The following AGK variants were observed in gnomAD, a reference collection of about 807,000 sequenced individuals.
AGK encodes the protein acylglycerol kinase, mitochondrial.
A neutral mutation model predicts 66.4 loss-of-function variants in AGK; 52 were observed. The observed-to-expected ratio is 0.78, with a 90% CI of 0.63 to 0.99. AGK has a LOEUF of 0.99. Among genes scored for constraint, AGK ranks in the 50% least tolerant of loss-of-function variants. The pLI, the probability that AGK is intolerant of heterozygous loss-of-function variation, is 0.00. For synonymous variants in AGK, 182 were observed against 181.1 expected (o/e 1.00, Z -0.04); for missense variants, 451 against 506.6 (o/e 0.89, Z 1.05).
chr7:141,644,534 ATG>A (rs1797364160), intron 13 of AGK, among the ~76,000 whole-genome samples: 2 of 152,230 alleles, frequency 1.3e-5, no homozygotes, highest in Admixed American at 6.5e-5. Flanking sequence ...GGAGTATAGA[ATG>A]TGTGAAAATT....
At chr7:141,557,870 A>G (rs188353322) in intron 2 of AGK, among the ~76,000 whole-genome samples, 2 of 152,288 alleles carry the variant, frequency 1.3e-5, no homozygotes, top group East Asian at 1.9e-4. Flanking sequence ...GGACATAAAC[A>G]TTTTCACCTT....
chr7:141,596,949 C>T, intron 4 of AGK: 2 of 260,262 alleles, frequency 7.7e-6, no homozygotes, highest in South Asian at 1.4e-4. Flanking sequence ...GACGTAAATC[C>T]TTAGGCCATC....
chr7:141,635,286 G>T (rs944871779), intron 10 of AGK, among the ~76,000 whole-genome samples: 2 of 152,038 alleles, frequency 1.3e-5, no homozygotes, highest in Admixed American at 1.3e-4. Context: ...AGAAAGAAAT[G>T]GTAGAGATAT....
At chr7:141,566,313 C>T (rs1461357760) in intron 2 of AGK, among the ~76,000 whole-genome samples, 1 of 152,196 alleles carries the variant, frequency 6.6e-6, no homozygotes, top group African/African-American at 2.4e-5. Flanking sequence ...TAAGACTCTA[C>T]AGGCAGGGGT....
At chr7:141,600,470 C>T (rs117203961) in intron 4 of AGK, among the ~76,000 whole-genome samples, 3,951 of 152,224 alleles carry the variant, frequency 0.026, 72 homozygotes, top group Non-Finnish European at 0.043. Context: ...TATAAGACAT[C>T]GTGTTGTTTC....
intron 13 of AGK, among the ~76,000 whole-genome samples, chr7:141,642,964 A>G (rs1797322831): frequency 6.6e-6 from 1 of 152,190 alleles, no homozygotes; most frequent in Non-Finnish European, 1.5e-5. Flanking sequence ...TGCCAATAGG[A>G]AAGTAATTGT....
rs912721088 is a variant in AGK at position 141,654,454 on chromosome 7, C to CA, written c.*1531dup. 6.6e-6 allele frequency: 1 copy of CA among 152,190 alleles called. No individual in the cohort carries two copies. The highest frequency in any genetic ancestry group is 2.4e-5 in the African/African-American group (1 of 41,450). 9.4% of individuals were successfully genotyped at this position (152,190 alleles called of 1,614,324 possible). On this transcript the variant is annotated 3_prime_UTR_variant, in exon 16 of 16. Coordinates refer to ENST00000649286, the MANE Select transcript of AGK (RefSeq NM_018238.4). ...TCCTTTGGCATTTTGACAAAGATCA[C>CA]AGTGCTCTATCATCAAGAATTATTA...
rs193149866 is a variant in AGK at position 141,622,818 on chromosome 7, G to T, written c.588+1017G>T. 2.2e-4 allele frequency among the ~76,000 whole-genome samples: 33 copies of T among 152,208 alleles called. No homozygotes were observed. The East Asian group carries it at 6.4e-3, about 29-fold the overall frequency. On this transcript the variant is annotated intron_variant, in intron 9 of 15. Transcript: ENST00000649286. ...TGCCTGTAATTCCAGCACTTTGGGA[G>T]GTCCAGGCAGGTGGATCACTTGAGC...
chr7:141,623,379 C>CAA (rs35119899), intron 9 of AGK, among the ~76,000 whole-genome samples: 1 of 54,212 alleles, frequency 1.8e-5, no homozygotes, highest in Non-Finnish European at 4.5e-5. Flanking sequence ...AACTTTTTCT[C>CAA]AAAAAAAAAA....
Position 141,633,976 on chromosome 7 carries a change from A to C in AGK, c.664A>C (p.Ser222Arg). ...TTTCAGAGATGCTGGCGTCAAAGTTAGCAAGTAAAGGATTACTATATTGAT... is the reference window on the plus strand; with the variant it reads ...TTTCAGAGATGCTGGCGTCAAAGTTCGCAAGTAAAGGATTACTATATTGAT... ...GSFRDAGVKV[S>R]KYWYLGPLKI... The change falls in exon 10 of 16, where the codon AGC becomes CGC. Residue 222 changes from serine to arginine, a missense_variant. Transcript: ENST00000649286. The C allele has an allele frequency of 6.2e-7, 1 of 1,613,244 alleles. No homozygotes were observed.
intron 5 of AGK, among the ~76,000 whole-genome samples, chr7:141,603,821 C>T (rs926212918): frequency 1.3e-5 from 2 of 152,136 alleles, no homozygotes; most frequent in South Asian, 2.1e-4. Context: ...CATGGTAGCT[C>T]GGTTCCCTGA....
intron 9 of AGK, among the ~76,000 whole-genome samples, chr7:141,628,224 TGAAA>T (rs1796980762): frequency 6.6e-6 from 1 of 152,136 alleles, no homozygotes; most frequent in Non-Finnish European, 1.5e-5. Context: ...TGTTTTTCTT[TGAAA>T]TATGCTGATT....
At chr7:141,597,328 G>A (rs1796248632) in intron 4 of AGK, 1 of 152,344 alleles carries the variant, frequency 6.6e-6, no homozygotes, top group African/African-American at 2.4e-5. Flanking sequence ...TGTATGTGGG[G>A]GTGGGGAGTG....
intron 8 of AGK, among the ~76,000 whole-genome samples, chr7:141,619,387 C>T (rs1796776183): frequency 6.6e-6 from 1 of 152,070 alleles, no homozygotes; most frequent in Non-Finnish European, 1.5e-5. Context: ...GACCCACACA[C>T]ATATGGACAA....
At chr7:141,607,194 T>C (rs139764393) in intron 5 of AGK, among the ~76,000 whole-genome samples, 1 of 152,294 alleles carries the variant, frequency 6.6e-6, no homozygotes, top group East Asian at 1.9e-4. Context: ...TTTTGCTGGA[T>C]AATATGATAA....
At chr7:141,557,008 G>A (rs2116847661) in intron 2 of AGK, among the ~76,000 whole-genome samples, 1 of 152,278 alleles carries the variant, frequency 6.6e-6, no homozygotes, top group East Asian at 1.9e-4. Flanking sequence ...TCAAATTGCA[G>A]TCTTTTGGAG....
At chr7:141,592,641 C>A (rs570949208) in intron 2 of AGK, among the ~76,000 whole-genome samples, 156 of 152,164 alleles carry the variant, frequency 1.0e-3, no homozygotes, top group Middle Eastern at 6.8e-3. Flanking sequence ...TTAACACAGA[C>A]TTTTATTCGG....
At chr7:141,602,852 A>C (rs2116937860) in intron 5 of AGK, among the ~76,000 whole-genome samples, 1 of 151,982 alleles carries the variant, frequency 6.6e-6, no homozygotes, top group African/African-American at 2.4e-5. Context: ...TTGATGCATA[A>C]TATTTTTATT....
rs1797298061 is a variant in AGK, at chr7:141,641,836, G to A, written c.903G>A (p.Glu301=). Residue 301 remains glutamate (E), a synonymous_variant, in exon 13 of 16, where the codon GAG becomes GAA. Coordinates refer to ENST00000649286, the MANE Select transcript of AGK (RefSeq NM_018238.4). ...QDALSQEVSP[E]VWKDVQLSTI... ...CCCTTTCCCAAGAGGTGAGCCCGGAGGTCTGGAAAGATGTGCAGCTGTCCA... is the reference window on the plus strand; with the variant it reads ...CCCTTTCCCAAGAGGTGAGCCCGGAAGTCTGGAAAGATGTGCAGCTGTCCA... 1.9e-6 allele frequency: 3 copies of A among 1,583,670 alleles called. No homozygotes were observed. In the East Asian group the frequency reaches 6.8e-5, roughly 36 times the overall value.
Sources: gnomAD v4.1 joint callset for allele counts (sites outside exome capture counted in the v4.1 genomes callset) on GRCh38, gnomAD v4.1.1 for gene constraint, MANE v1.5 for transcripts, NCBI Gene and HGNC (gene_info 2026-07-23, HGNC 2026-07-21) for gene names.